Variants in TM2D1 observed in about 807,000 individuals in gnomAD.
TM2D1 encodes the protein TM2 domain containing 1.
A neutral mutation model predicts 28.4 loss-of-function variants in TM2D1; 15 were observed. The observed-to-expected ratio is 0.53, with a 90% CI of 0.35 to 0.81. The LOEUF (loss-of-function observed/expected upper bound fraction) is 0.81, where lower values mean the gene tolerates loss of function less well. Ranked by LOEUF, TM2D1 falls within the 40% of genes least tolerant of loss-of-function variation. The pLI is 0.01. For synonymous variants in TM2D1, 93 were observed against 96.2 expected, an observed-to-expected ratio of 0.97 and a Z score of 0.20; for missense variants, 236 against 254.9, an observed-to-expected ratio of 0.93 and a Z score of 0.50.
intron 2 of TM2D1, among the ~76,000 whole-genome samples, chr1:61,713,492 A>AAC (rs1365310315): frequency 7.4e-6 from 1 of 135,350 alleles, no homozygotes; most frequent in Admixed American, 7.0e-5. Flanking sequence ...CAAAAACAAA[A>AAC]AAAAAAAAAA....
intron 6 of TM2D1, among the ~76,000 whole-genome samples, chr1:61,682,952 C>A (rs1317796112): frequency 6.6e-6 from 1 of 151,470 alleles, no homozygotes; most frequent in African/African-American, 2.4e-5. Flanking sequence ...ATTCTTACAG[C>A]CAGAGCCAAA....
intron 2 of TM2D1, among the ~76,000 whole-genome samples, chr1:61,710,629 G>T (rs1236789321): frequency 1.3e-5 from 2 of 151,256 alleles, no homozygotes; most frequent in Non-Finnish European, 2.9e-5. Flanking sequence ...CAACATTTTA[G>T]ACTGAAAAGT....
rs1415970469 is a variant in TM2D1, at chr1:61,683,422, C to A, written c.*14G>T. On this transcript the variant is annotated 3_prime_UTR_variant, in exon 6 of 7. Coordinates refer to ENST00000606498, the MANE Select transcript of TM2D1 (RefSeq NM_032027.3). ...TATATATATATATCACTTACTGTTT[C>A]TTTTAAAAAATATTTATGGATATAA... is the stretch of plus-strand genomic sequence containing the variant. 9.0e-7 allele frequency: 1 copy of A among 1,115,698 alleles called. No homozygotes were observed. Among genetic ancestry groups the A allele is most frequent in the Non-Finnish European group, 1.3e-6 (1 of 796,890 alleles). 69.1% of individuals were successfully genotyped at this position (1,115,698 alleles called of 1,614,324 possible).
chr1:61,700,297 G>A (rs1415108675), intron 4 of TM2D1: 3 of 1,452,582 alleles, frequency 2.1e-6, no homozygotes, highest in Non-Finnish European at 2.7e-6. Flanking sequence ...ATTTAAAGAG[G>A]ATGATAAACT....
rs747489548 is a variant in TM2D1, at chr1:61,724,968, G to A, written c.153C>T (p.Leu51=). The A allele has an allele frequency of 6.2e-7, 1 of 1,601,092 alleles. No individual in the cohort carries two copies. The highest frequency in any genetic ancestry group is 8.5e-7 in the Non-Finnish European group (1 of 1,170,162). The part of the protein sequence containing the change: ...GGEESLKCED[L]KVGQYICKDP... ...TCCACAGAGGATATTGTCCCACTTT[G>A]AGGTCCTCGCACTTAAGCGACTCCT... The change falls in exon 1 of 7, where the codon CTC becomes CTT. Residue 51 remains leucine, a synonymous_variant. Coordinates refer to ENST00000606498, the MANE Select transcript of TM2D1 (RefSeq NM_032027.3).
intron 2 of TM2D1, among the ~76,000 whole-genome samples, chr1:61,714,716 G>C (rs535108290): frequency 2.0e-5 from 3 of 152,096 alleles, no homozygotes; most frequent in African/African-American, 7.2e-5. Flanking sequence ...CACCAAGCCT[G>C]GCTAATTTTT....
chr1:61,705,395 A>G (rs1363623893), intron 3 of TM2D1, among the ~76,000 whole-genome samples: 1 of 152,132 alleles, frequency 6.6e-6, no homozygotes, highest in Non-Finnish European at 1.5e-5. Flanking sequence ...CATATTGGCC[A>G]GGCTGGTCTT....
At chr1:61,684,123 A>T (rs762783807) in intron 5 of TM2D1, among the ~76,000 whole-genome samples, 2 of 152,202 alleles carry the variant, frequency 1.3e-5, no homozygotes, top group African/African-American at 4.8e-5. Context: ...GAAGAGGTAG[A>T]AAAAAACAAC....
At chr1:61,709,553 C>A in intron 2 of TM2D1, 116 bp from the exon 3 acceptor site, 1 of 695,630 alleles carries the variant, frequency 1.4e-6, no homozygotes, top group South Asian at 1.6e-5. Context: ...TAACATGACA[C>A]AAGCCTTTAA....
intron 4 of TM2D1, among the ~76,000 whole-genome samples, chr1:61,696,996 G>A (rs371769262): frequency 1.3e-5 from 2 of 151,834 alleles, no homozygotes; most frequent in Non-Finnish European, 2.9e-5. Context: ...CAGAAATAGT[G>A]ACAACAAAAG....
intron 5 of TM2D1, among the ~76,000 whole-genome samples, chr1:61,684,514 A>T (rs895773349): frequency 6.6e-6 from 1 of 152,204 alleles, no homozygotes; most frequent in Non-Finnish European, 1.5e-5. Context: ...AAACAAAGGG[A>T]TAGCTCAAAA....
In TM2D1 at chr1:61,683,484, T is replaced by A. The variant is rs758193780; in HGVS notation, c.576A>T (p.Arg192Ser). The A allele has an allele frequency of 6.5e-7, 1 of 1,542,610 alleles. No homozygotes were observed. The highest frequency in any genetic ancestry group is 1.3e-5 in the South Asian group (1 of 76,448). Residue 192 changes from arginine (R) to serine (S), a missense_variant, in exon 6 of 7, where the codon AGA becomes AGT. By Grantham distance (110) the Arg-to-Ser change is moderately radical. Coordinates refer to ENST00000606498, the MANE Select transcript of TM2D1 (RefSeq NM_032027.3). ...TAAATGTTTCATTAGTAATACTCAG[T>A]CTTGTAAGTCTGGTTCCATAGTAAT... ...IIDYYGTRLT[R>S]LSITNETFRK... is the part of the protein sequence containing the mutation.
chr1:61,685,926 T>C (rs1644282016), intron 5 of TM2D1, among the ~76,000 whole-genome samples: 1 of 152,182 alleles, frequency 6.6e-6, no homozygotes, highest in Non-Finnish European at 1.5e-5. Flanking sequence ...GGTAGGAGGA[T>C]TGCTTGAGCC....
At chr1:61,706,497 C>G (rs1557534123) in intron 3 of TM2D1, among the ~76,000 whole-genome samples, 1 of 151,168 alleles carries the variant, frequency 6.6e-6, no homozygotes, top group Non-Finnish European at 1.5e-5. Flanking sequence ...CACGCCGAGC[C>G]ACAAATTCTG....
intron 6 of TM2D1, 22 bp downstream of exon 6, chr1:61,683,395 C>A: frequency 1.4e-6 from 1 of 708,570 alleles, no homozygotes; most frequent in South Asian, 2.7e-5. Flanking sequence ...TAAGATATTA[C>A]ATATATATAT....
chr1:61,694,819 T>C (rs760818560), intron 4 of TM2D1, 49 bp from the exon 5 acceptor site: 1 of 1,179,460 alleles, frequency 8.5e-7, no homozygotes, highest in South Asian at 1.5e-5. Context: ...CTTCTAAATA[T>C]TAACAAACTG....
intron 5 of TM2D1, among the ~76,000 whole-genome samples, chr1:61,693,122 A>G (rs1293992314): frequency 6.6e-6 from 1 of 152,088 alleles, no homozygotes; most frequent in African/African-American, 2.4e-5. Flanking sequence ...CTGTAGTCTC[A>G]GCTACTTGGG....
chr1:61,682,725 T>C (rs981551048), intron 6 of TM2D1, among the ~76,000 whole-genome samples: 1 of 151,622 alleles, frequency 6.6e-6, no homozygotes, highest in African/African-American at 2.4e-5. Flanking sequence ...CGAAACCCCA[T>C]CTCTACTAAA....
chr1:61,719,253 T>G (rs1201357483), intron 2 of TM2D1, among the ~76,000 whole-genome samples: 1 of 152,058 alleles, frequency 6.6e-6, no homozygotes, highest in Non-Finnish European at 1.5e-5. Context: ...TTTCACCACA[T>G]AGCCCAGGCT....
Sources: allele counts gnomAD v4.1 joint callset (sites outside exome capture counted in the v4.1 genomes callset), GRCh38; gene constraint gnomAD v4.1.1; transcripts MANE v1.5; gene names NCBI Gene and HGNC (gene_info 2026-07-23, HGNC 2026-07-21).